The following ARHGAP23 variants were observed in gnomAD, a reference collection of about 807,000 sequenced individuals.
The protein encoded by ARHGAP23 is Rho GTPase activating protein 23, also known as rho GTPase-activating protein 23.
A neutral mutation model predicts 136.3 loss-of-function variants in ARHGAP23; 34 were observed. The observed-to-expected ratio is 0.25, with a 90% CI of 0.19 to 0.33. The LOEUF is 0.33. ARHGAP23 is among the 10% of genes least tolerant of loss of function. The pLI is 1.00. For synonymous variants in ARHGAP23, 832 were observed against 920.5 expected, an observed-to-expected ratio of 0.90 and a Z score of 1.74; for missense variants, 1,808 against 2,139.0, an observed-to-expected ratio of 0.85 and a Z score of 3.05.
rs1185712667 is a variant in ARHGAP23 at position 38,500,597 on chromosome 17, A to G, written c.3416A>G (p.Asp1139Gly). The G allele has an allele frequency of 3.2e-6, 5 of 1,549,170 alleles. No homozygotes were observed. The highest frequency in any genetic ancestry group is 4.4e-6 in the Non-Finnish European group (5 of 1,146,658). Residue 1139 changes from aspartate to glycine, a missense_variant and splice_region_variant, in exon 23 of 24, where the codon GAT becomes GGT. Physicochemically the swap from Asp to Gly is moderately conservative, Grantham distance 94. Around this residue, in one of 7 missense-constraint regions of ARHGAP23, gnomAD observed 104 missense variants for 131.8 expected, o/e 0.79. Transcript: ENST00000622683. ...TTTTTTTTCTGTCTTTCACCAACAG[A>G]TTCTACCACCTGTAGTTCAGCCAAG... ...RTVPPGDPGS[D>G]STTCSSAKSK...
chr17:38,450,316 G>A (rs764906022), intron 1 of ARHGAP23: 8 of 152,222 alleles, frequency 5.3e-5, no homozygotes, highest in Non-Finnish European at 7.3e-5. Context: ...TCTGGTAAGC[G>A]GTTAGAACCC....
chr17:38,469,244 C>A lies in ARHGAP23; in HGVS notation c.1749C>A (p.Ser583Arg), dbSNP rs1159159819. The A allele has an allele frequency of 1.9e-6, 3 of 1,551,634 alleles. No homozygotes were observed. The highest frequency in any genetic ancestry group is 2.6e-6 in the Non-Finnish European group (3 of 1,146,848). ...AMNSAPVLGT[S>R]PSSPTFTFTL... The stretch of plus-strand genomic sequence containing the variant: ...ACTCAGCCCCTGTCCTGGGCACCAG[C>A]CCATCTTCCCCGACCTTCACTTTCA... The change falls in exon 8 of 24, where the codon AGC becomes AGA. Residue 583 changes from serine to arginine, a missense_variant. Coordinates refer to ENST00000622683, the MANE Select transcript of ARHGAP23 (RefSeq NM_001199417.2).
chr17:38,424,321 C>T (rs886373724), upstream of ARHGAP23, among the ~76,000 whole-genome samples: 4 of 152,172 alleles, frequency 2.6e-5, no homozygotes, highest in Admixed American at 2.6e-4. Context: ...CAAACAGACA[C>T]CTGCCTTGTC....
At chr17:38,497,038 C>T (rs929357687) in intron 20 of ARHGAP23, among the ~76,000 whole-genome samples, 5 of 152,014 alleles carry the variant, frequency 3.3e-5, no homozygotes, top group South Asian at 2.1e-4. Context: ...TCCTTCAACA[C>T]GTCAAAACTT....
chr17:38,460,791 G>A, intron 2 of ARHGAP23, 114 bp from the exon 3 acceptor site: 1 of 1,533,116 alleles, frequency 6.5e-7, no homozygotes. Flanking sequence ...TGGGCTACTT[G>A]GGAGGAGATA....
At position 38,462,911 on chromosome 17, in the gene ARHGAP23, G is replaced by A. The variant is rs866254733; in HGVS notation, c.319G>A (p.Gly107Ser). ...CTTTGTCAAGAATGTGAAGGAAGAC[G>A]GCCCTGCCCATAGGGCGGGGCTTCG... is the stretch of plus-strand genomic sequence containing the variant. ...TIFVKNVKEDGPAHRAGLRTG... is the reference protein window; with the variant it reads ...TIFVKNVKEDSPAHRAGLRTG... The change falls in exon 4 of 24, where the codon GGC (glycine) becomes AGC (serine). Residue 107 changes from glycine (G) to serine (S), a missense_variant. Around this residue, in one of 7 missense-constraint regions of ARHGAP23, gnomAD observed 859 missense variants for 936.4 expected, o/e 0.92. Coordinates refer to ENST00000622683, the MANE Select transcript of ARHGAP23 (RefSeq NM_001199417.2). The A allele has an allele frequency of 3.3e-6, 5 of 1,538,284 alleles. No homozygotes were observed. The highest frequency in any genetic ancestry group is 2.2e-5 in the Admixed American group (1 of 46,062).
At chr17:38,494,261 T>C (rs1254849531) in intron 20 of ARHGAP23, among the ~76,000 whole-genome samples, 1 of 152,208 alleles carries the variant, frequency 6.6e-6, no homozygotes, top group Non-Finnish European at 1.5e-5. Flanking sequence ...ATGACAATAC[T>C]GTTTACCTCA....
intron 1 of ARHGAP23, among the ~76,000 whole-genome samples, chr17:38,435,744 G>A (rs2038782254): frequency 2.0e-5 from 3 of 152,132 alleles, no homozygotes; most frequent in Non-Finnish European, 4.4e-5. Context: ...GATTACAGGC[G>A]CCCTCTACCA....
At chr17:38,449,732 G>A (rs536854154) in intron 1 of ARHGAP23, among the ~76,000 whole-genome samples, 1 of 152,334 alleles carries the variant, frequency 6.6e-6, no homozygotes, top group Admixed American at 6.5e-5. Context: ...TGCAACTGGT[G>A]TACAGGACCA....
chr17:38,420,510 A>G (rs1478779679), intron 1 of ARHGAP23, among the ~76,000 whole-genome samples: 1 of 152,156 alleles, frequency 6.6e-6, no homozygotes, highest in African/African-American at 2.4e-5. Context: ...CAGGCCCCCT[A>G]TCACTCTGGC....
chr17:38,468,165 G>A (rs1398325770), intron 7 of ARHGAP23, among the ~76,000 whole-genome samples: 2 of 152,220 alleles, frequency 1.3e-5, no homozygotes, highest in East Asian at 3.9e-4. Context: ...ACCCTGAAGG[G>A]AGAGAGGCAG....
intron 1 of ARHGAP23, among the ~76,000 whole-genome samples, chr17:38,442,608 A>C (rs1433734290): frequency 6.6e-6 from 1 of 152,160 alleles, no homozygotes; most frequent in Non-Finnish European, 1.5e-5. Flanking sequence ...GGGCCAGAGG[A>C]GGTGTGCCTG....
chr17:38,500,745 G>A (rs1167513656), intron 23 of ARHGAP23, 117 bp downstream of exon 23: 2 of 978,784 alleles, frequency 2.0e-6, no homozygotes, highest in African/African-American at 1.6e-5. Context: ...GATGGTCCCT[G>A]GGAGGGAAGG....
intron 1 of ARHGAP23, among the ~76,000 whole-genome samples, chr17:38,436,813 C>T (rs1162717225): frequency 6.6e-6 from 1 of 152,196 alleles, no homozygotes; most frequent in Admixed American, 6.5e-5. Flanking sequence ...GCAGCCTACA[C>T]AAGCCAATGT....
chr17:38,497,064 T>C (rs1313678319), intron 20 of ARHGAP23, among the ~76,000 whole-genome samples: 5 of 152,228 alleles, frequency 3.3e-5, no homozygotes, highest in Non-Finnish European at 5.9e-5. Context: ...CTTGTCTTCT[T>C]GTGTTTTGCT....
chr17:38,453,561 G>A, intron 1 of ARHGAP23: 1 of 152,676 alleles, frequency 6.5e-6, no homozygotes, highest in Non-Finnish European at 1.5e-5. Flanking sequence ...GGGTGTGGTC[G>A]TGCGGGGGAC....
chr17:38,462,247 CTTTTTT>C (rs59822011), intron 3 of ARHGAP23, among the ~76,000 whole-genome samples: 1 of 46,850 alleles, frequency 2.1e-5, no homozygotes, highest in Non-Finnish European at 3.6e-5. Context: ...CGCACCCGGC[CTTTTTT>C]TTTTTTTTTT....
chr17:38,498,895 C>T, intron 22 of ARHGAP23: 1 of 697,502 alleles, frequency 1.4e-6, no homozygotes, highest in South Asian at 1.5e-5. Context: ...GCTCTCCTCC[C>T]ACCCCCTTCT....
chr17:38,424,959 C>A (rs2038555524), upstream of ARHGAP23, among the ~76,000 whole-genome samples: 1 of 152,220 alleles, frequency 6.6e-6, no homozygotes, highest in Admixed American at 6.5e-5. Flanking sequence ...TGCACTCTTC[C>A]ATTTCCTTCC....
Sources: allele counts gnomAD v4.1 joint callset (sites outside exome capture counted in the v4.1 genomes callset), GRCh38; gene constraint gnomAD v4.1.1; regional missense constraint gnomAD v4.1.1; transcripts MANE v1.5; gene names NCBI Gene and HGNC (gene_info 2026-07-23, HGNC 2026-07-21).